MAGI1: variants seen among roughly 807,000 people sequenced by gnomAD.
MAGI1 encodes membrane associated guanylate kinase, WW and PDZ domain containing 1, also known as membrane-associated guanylate kinase, WW and PDZ domain-containing protein 1.
A neutral mutation model predicts 139.9 loss-of-function variants in MAGI1; 58 were observed. The ratio of observed to expected loss-of-function variants is 0.41; its 90% CI spans 0.34 to 0.52. MAGI1 has a LOEUF of 0.52. Among genes scored for constraint, MAGI1 ranks in the 20% least tolerant of loss-of-function variants. The pLI is 0.12. For missense variants in MAGI1, 1,874 were observed against 1,901.6 expected (o/e 0.99, Z 0.27); for synonymous variants, 812 against 737.9 (o/e 1.10, Z -1.63).
At chr3:65,896,998 T>C (rs2060996469) in intron 1 of MAGI1, among the ~76,000 whole-genome samples, 1 of 152,316 alleles carries the variant, frequency 6.6e-6, no homozygotes, top group South Asian at 2.1e-4. Flanking sequence ...CTCACATCTC[T>C]GATATAAAAT....
intron 2 of MAGI1, among the ~76,000 whole-genome samples, 153 bp downstream of exon 2, chr3:65,621,819 T>G (rs1032521013): frequency 1.3e-5 from 2 of 152,024 alleles, no homozygotes; most frequent in African/African-American, 4.8e-5. Flanking sequence ...GACACTGTTA[T>G]TGAATTATGA....
intron 2 of MAGI1, among the ~76,000 whole-genome samples, chr3:65,540,960 T>C (rs1037805293): frequency 6.6e-6 from 1 of 152,144 alleles, no homozygotes; most frequent in Non-Finnish European, 1.5e-5. Context: ...TGTTACTAAA[T>C]CTGGATGGTG....
chr3:65,415,727 G>T (rs1184813192), intron 12 of MAGI1, among the ~76,000 whole-genome samples: 3 of 152,202 alleles, frequency 2.0e-5, no homozygotes, highest in African/African-American at 4.8e-5. Context: ...AATGGGTGTT[G>T]AAGGGGTTAA....
intron 1 of MAGI1, among the ~76,000 whole-genome samples, chr3:65,980,739 C>T (rs1006431263): frequency 1.3e-5 from 2 of 152,178 alleles, no homozygotes; most frequent in Non-Finnish European, 2.9e-5. Flanking sequence ...AGTTGGAATG[C>T]TCGCTTATTA....
At chr3:65,996,140 T>C (rs1252391695) in intron 1 of MAGI1, among the ~76,000 whole-genome samples, 1 of 152,174 alleles carries the variant, frequency 6.6e-6, no homozygotes, top group Non-Finnish European at 1.5e-5. Flanking sequence ...CTACTGAACT[T>C]CGCAACTGGG....
chr3:65,876,353 C>A (rs899767547), intron 1 of MAGI1, among the ~76,000 whole-genome samples: 7 of 151,790 alleles, frequency 4.6e-5, no homozygotes, highest in African/African-American at 7.3e-5. Context: ...CACCACCCCC[C>A]CCAAAAAAGG....
intron 1 of MAGI1, among the ~76,000 whole-genome samples, chr3:65,705,827 G>C (rs969585068): frequency 6.6e-6 from 1 of 152,132 alleles, no homozygotes; most frequent in African/African-American, 2.4e-5. Flanking sequence ...TATAGGTTTG[G>C]GGCTAATCCT....
chr3:65,554,955 T>C lies in MAGI1; in HGVS notation c.431-61324A>G, dbSNP rs2080015927. On this transcript the variant is annotated intron_variant, in intron 2 of 22. Transcript: ENST00000402939. ...GAAAATGGTGAACTCCAAATAGTCA[T>C]GGTTTAGGTAATAGTACTGTACATG... 2.6e-5 allele frequency among the ~76,000 whole-genome samples: 4 copies of C among 152,122 alleles called. No individual in the cohort carries two copies. The South Asian group carries it at 6.2e-4, about 24-fold the overall frequency.
chr3:65,697,210 G>T (rs1055228221), intron 1 of MAGI1, among the ~76,000 whole-genome samples: 2 of 151,924 alleles, frequency 1.3e-5, no homozygotes, highest in African/African-American at 4.8e-5. Context: ...AATAACAGGA[G>T]CTGAAATTGT....
chr3:65,528,109 C>T (rs969600956), intron 2 of MAGI1, among the ~76,000 whole-genome samples: 6 of 152,002 alleles, frequency 3.9e-5, no homozygotes, highest in African/African-American at 1.5e-4. Context: ...TTTAATTTCT[C>T]CTTGCTCCAC....
At chr3:65,531,664 G>C (rs2078717942) in intron 2 of MAGI1, among the ~76,000 whole-genome samples, 1 of 152,142 alleles carries the variant, frequency 6.6e-6, no homozygotes, top group Admixed American at 6.5e-5. Context: ...TCACCCTCAA[G>C]TGGAATAAAA....
At chr3:65,597,744 G>A (rs1184675694) in intron 2 of MAGI1, 1 of 456,756 alleles carries the variant, frequency 2.2e-6, no homozygotes, top group South Asian at 1.5e-5. Context: ...GCAGCGGAGC[G>A]TTCGAATCCA....
chr3:65,626,137 T>C (rs2083957385), intron 1 of MAGI1, among the ~76,000 whole-genome samples: 1 of 152,182 alleles, frequency 6.6e-6, no homozygotes, highest in South Asian at 2.1e-4. Context: ...GACACTAACA[T>C]TTATCATTTG....
chr3:65,666,678 A>C (rs2107432054), intron 1 of MAGI1, among the ~76,000 whole-genome samples: 1 of 152,296 alleles, frequency 6.6e-6, no homozygotes, highest in South Asian at 2.1e-4. Context: ...AACAATGCTG[A>C]GAAGTGTTAT....
rs188268482 is a variant in MAGI1 at position 65,987,664 on chromosome 3, C to T, written c.313+50332G>A. ...GGCTGGAGTGCAATGGCATGATCCC[C>T]ACACACTGCAACCTCTGCCTCCTGG... is the stretch of plus-strand genomic sequence containing the variant. On this transcript the variant is annotated intron_variant, in intron 1 of 22. Coordinates refer to ENST00000402939, the MANE Select transcript of MAGI1 (RefSeq NM_001033057.2). 1.2e-3 allele frequency among the ~76,000 whole-genome samples: 137 copies of T among 117,620 alleles called. 2 individuals carry two copies. The highest frequency in any genetic ancestry group is 3.9e-3 in the African/African-American group (130 of 33,602). 77.2% of individuals were successfully genotyped at this position (117,620 alleles called of 152,430 possible).
At position 65,461,281 on chromosome 3, in the gene MAGI1, T is replaced by C. The variant is rs934522720; in HGVS notation, c.960-7941A>G. On this transcript the variant is annotated intron_variant, in intron 5 of 22. Coordinates refer to ENST00000402939, the MANE Select transcript of MAGI1 (RefSeq NM_001033057.2). ...CCCAGGCTGGTGTGCAGTGACACGA[T>C]CTCGGCTCACTGCAACCTCCACCTC... Among the ~76,000 whole-genome samples the C allele has an allele frequency of 1.2e-4, 19 of 152,140 alleles. No homozygotes were observed. In the East Asian group the frequency reaches 3.3e-3, roughly 26 times the overall value.
At chr3:65,774,695 G>C (rs1391483594) in intron 1 of MAGI1, among the ~76,000 whole-genome samples, 1 of 152,084 alleles carries the variant, frequency 6.6e-6, no homozygotes, top group African/African-American at 2.4e-5. Context: ...TTCCTATTTG[G>C]TGATGAACAA....
chr3:65,414,461 G>C (rs1946038689), intron 12 of MAGI1, among the ~76,000 whole-genome samples: 1 of 152,320 alleles, frequency 6.6e-6, no homozygotes, highest in African/African-American at 2.4e-5. Context: ...GGGAAGCAAT[G>C]ATCAAAGAAA....
chr3:65,991,668 G>A (rs942003482), intron 1 of MAGI1, among the ~76,000 whole-genome samples: 1 of 152,144 alleles, frequency 6.6e-6, no homozygotes, highest in Non-Finnish European at 1.5e-5. Flanking sequence ...TTTTGATCTA[G>A]ATATCTTTCT....
Sources: allele counts gnomAD v4.1 joint callset (sites outside exome capture counted in the v4.1 genomes callset), GRCh38; gene constraint gnomAD v4.1.1; transcripts MANE v1.5; gene names NCBI Gene and HGNC (gene_info 2026-07-23, HGNC 2026-07-21).